Variants in CAMTA1 observed in about 807,000 individuals in gnomAD.
CAMTA1 encodes calmodulin binding transcription activator 1.
In CAMTA1, 27 loss-of-function variants were observed where a neutral mutation model predicts 170.9. That is an observed-to-expected ratio of 0.16 (90% CI 0.12 to 0.22). The LOEUF is 0.22. Ranked by LOEUF, CAMTA1 falls within the 10% of genes least tolerant of loss-of-function variation. CAMTA1 has a pLI of 1.00. For missense variants in CAMTA1, 1,619 were observed against 2,217.2 expected (o/e 0.73, Z 5.42); for synonymous variants, 833 against 891.5 (o/e 0.93, Z 1.17).
chr1:7,351,126 G>A lies in CAMTA1; in HGVS notation c.438+101500G>A, dbSNP rs563342588. Among the ~76,000 whole-genome samples the A allele has an allele frequency of 5.9e-5, 9 of 152,328 alleles. No individual in the cohort carries two copies. The South Asian group carries it at 1.0e-3, about 18-fold the overall frequency. The stretch of plus-strand genomic sequence containing the variant: ...CTAGGAATTGTGGGGACTAGGCAGC[G>A]TGACCCCCAGGACTTGACAGAGACA... On this transcript the variant is annotated intron_variant, in intron 5 of 22. Transcript: ENST00000303635.
intron 3 of CAMTA1, chr1:6,834,274 T>G (rs1188575937): frequency 6.1e-6 from 1 of 163,466 alleles, no homozygotes; most frequent in Non-Finnish European, 1.3e-5. Flanking sequence ...ATTTTATTTT[T>G]TGTTTTTTTT....
intron 3 of CAMTA1, among the ~76,000 whole-genome samples, chr1:6,969,861 G>A (rs1317764185): frequency 2.6e-5 from 4 of 152,164 alleles, no homozygotes; most frequent in African/African-American, 9.6e-5. Context: ...GCCTCATGTA[G>A]CCTTGGTCTC....
chr1:6,871,123 A>G (rs1002200583), intron 3 of CAMTA1, among the ~76,000 whole-genome samples: 1 of 152,184 alleles, frequency 6.6e-6, no homozygotes, highest in Non-Finnish European at 1.5e-5. Context: ...AAACAAAACA[A>G]AAAACCCTTG....
At chr1:6,898,195 AATT>A in intron 3 of CAMTA1, among the ~76,000 whole-genome samples, 2 of 152,316 alleles carry the variant, frequency 1.3e-5, no homozygotes, top group East Asian at 3.9e-4. Context: ...AGAGGAAACT[AATT>A]ATTATGTACA....
At chr1:7,358,344 T>C (rs1364665433) in intron 5 of CAMTA1, among the ~76,000 whole-genome samples, 1 of 152,222 alleles carries the variant, frequency 6.6e-6, no homozygotes, top group African/African-American at 2.4e-5. Flanking sequence ...AAAAATGGAC[T>C]CCATTTATTT....
Position 7,633,177 on chromosome 1 carries a change from G to A in CAMTA1, c.511-7223G>A, listed in dbSNP as rs890176128. Among the ~76,000 whole-genome samples the A allele has an allele frequency of 6.6e-6, 1 of 152,226 alleles. No homozygotes were observed. The highest frequency in any genetic ancestry group is 2.4e-5 in the African/African-American group (1 of 41,460). On this transcript the variant is annotated intron_variant, in intron 6 of 22. Transcript: ENST00000303635. This position sits in a 1 kb window ranked among gnomAD's most constrained non-coding sequence, Gnocchi z 4.1. ...TGTCCCTGCAGTTTGGGTGAAAGGT[G>A]CCATCTAGAAAAGGTTCTCAAAGAG...
At chr1:7,671,187 T>C in intron 10 of CAMTA1, 150 bp downstream of exon 10, 1 of 856,434 alleles carries the variant, frequency 1.2e-6, no homozygotes, top group Non-Finnish European at 1.8e-6. Flanking sequence ...TCCCCGATAG[T>C]CTATTAGAAC....
Position 7,242,771 on chromosome 1 carries a change from AAAATAAAT to A in CAMTA1, c.303-6688_303-6681del, listed in dbSNP as rs199861423. ...GTGAAACCCCGTCTCTACTGAAAAT[AAAATAAAT>A]AAATAAATAAATAAATAAATAAATA... On this transcript the variant is annotated intron_variant, in intron 4 of 22. Coordinates refer to ENST00000303635, the MANE Select transcript of CAMTA1 (RefSeq NM_015215.4). Among the ~76,000 whole-genome samples, 482 of 145,552 alleles carry A rather than the reference AAAATAAAT, an allele frequency of 3.3e-3. 3 individuals carry two copies. Among genetic ancestry groups the A allele is most frequent in the South Asian group, 0.013 (60 of 4,500 alleles).
At chr1:6,940,493 A>G (rs2149421186) in intron 3 of CAMTA1, among the ~76,000 whole-genome samples, 1 of 152,072 alleles carries the variant, frequency 6.6e-6, no homozygotes, top group East Asian at 1.9e-4. Flanking sequence ...ATCCAGAGAC[A>G]CTCCCACAGA....
intron 3 of CAMTA1, among the ~76,000 whole-genome samples, chr1:6,830,818 T>A (rs1649699374): frequency 6.6e-6 from 1 of 151,558 alleles, no homozygotes; most frequent in Non-Finnish European, 1.5e-5. Flanking sequence ...TTTGTTTGTT[T>A]GTTTTGTTTT....
chr1:6,921,142 C>G (rs1411759234), intron 3 of CAMTA1, among the ~76,000 whole-genome samples: 2 of 152,222 alleles, frequency 1.3e-5, no homozygotes, highest in Non-Finnish European at 2.9e-5. Flanking sequence ...GCACCCAAGT[C>G]ACATCTTGAA....
At chr1:7,560,309 CCT>C (rs1340215843) in intron 6 of CAMTA1, among the ~76,000 whole-genome samples, 3 of 152,202 alleles carry the variant, frequency 2.0e-5, no homozygotes, top group Non-Finnish European at 4.4e-5. Context: ...GCTTGTGTCC[CCT>C]GAGGCAGGTG....
Position 6,922,008 on chromosome 1 carries a change from C to T in CAMTA1, c.234+96798C>T, listed in dbSNP as rs539513234. On this transcript the variant is annotated intron_variant, in intron 3 of 22. Transcript: ENST00000303635. Reference sequence around the variant, plus strand: ...AGCCAGTTGTCAGCTACTGTATCATCATTTCATAAAATGAAATAAAGGAAA... The same window carrying T: ...AGCCAGTTGTCAGCTACTGTATCATTATTTCATAAAATGAAATAAAGGAAA... Among the ~76,000 whole-genome samples the T allele has an allele frequency of 1.5e-4, 23 of 152,254 alleles. No homozygotes were observed. In the South Asian group the frequency reaches 2.3e-3, roughly 15 times the overall value.
At chr1:7,492,709 G>GCA (rs1298724750) in intron 6 of CAMTA1, among the ~76,000 whole-genome samples, 1 of 118,962 alleles carries the variant, frequency 8.4e-6, no homozygotes, top group African/African-American at 3.5e-5. Flanking sequence ...ACACACGCAG[G>GCA]CACACACACA....
chr1:7,655,796 C>T (rs1483653354), intron 7 of CAMTA1, among the ~76,000 whole-genome samples: 1 of 152,212 alleles, frequency 6.6e-6, no homozygotes. Context: ...TACACACACA[C>T]GTGTGCAGTG....
At position 6,834,276 on chromosome 1, in the gene CAMTA1, G is replaced by GT. The variant is rs371435794; in HGVS notation, c.234+9077dup. 7.3e-3 allele frequency: 973 copies of GT among 133,930 alleles called. 5 individuals carry two copies. The highest frequency in any genetic ancestry group is 0.014 in the African/African-American group (475 of 33,128). 8.3% of individuals were successfully genotyped at this position (133,930 alleles called of 1,614,324 possible). ...TTTTTTAATTTTTATTTTATTTTTT[G>GT]TTTTTTTTTTTAAAACCAGAACATT... On this transcript the variant is annotated intron_variant, in intron 3 of 22. Coordinates refer to ENST00000303635, the MANE Select transcript of CAMTA1 (RefSeq NM_015215.4).
chr1:7,076,632 C>G (rs1639339047), intron 3 of CAMTA1, among the ~76,000 whole-genome samples: 1 of 152,108 alleles, frequency 6.6e-6, no homozygotes, highest in South Asian at 2.1e-4. Context: ...GAACTAAGTC[C>G]TCACGTGGAC....
intron 3 of CAMTA1, among the ~76,000 whole-genome samples, chr1:7,030,625 G>T (rs1162799994): frequency 2.6e-5 from 4 of 152,130 alleles, no homozygotes; most frequent in Non-Finnish European, 5.9e-5. Context: ...TAATTCCATT[G>T]TAGTCAGAGA....
chr1:6,948,082 C>G (rs1687861425), intron 3 of CAMTA1, among the ~76,000 whole-genome samples: 1 of 152,148 alleles, frequency 6.6e-6, no homozygotes, highest in African/African-American at 2.4e-5. Context: ...ATAAATGAAT[C>G]TAAATCCTAA....
Sources: gnomAD v4.1 joint callset for allele counts (sites outside exome capture counted in the v4.1 genomes callset) on GRCh38, gnomAD v4.1.1 for gene constraint, Gnocchi (gnomAD v3.1) non-coding constraint, MANE v1.5 for transcripts, NCBI Gene and HGNC (gene_info 2026-07-23, HGNC 2026-07-21) for gene names.